SP110: variants seen among roughly 807,000 people sequenced by gnomAD.
The protein encoded by SP110 is interferon-induced protein 41, 30kD.
In SP110, 62 loss-of-function variants were observed where a neutral mutation model predicts 92.7. The observed-to-expected ratio is 0.67, with a 90% CI of 0.55 to 0.83. The LOEUF (loss-of-function observed/expected upper bound fraction) is 0.83. Among genes scored for constraint, SP110 ranks in the 40% least tolerant of loss-of-function variants. The pLI, the probability that SP110 is intolerant of heterozygous loss-of-function variation, is 0.00. For missense variants in SP110, 793 were observed against 863.9 expected, an observed-to-expected ratio of 0.92 and a Z score of 1.03; for synonymous variants, 273 against 305.3, an observed-to-expected ratio of 0.89 and a Z score of 1.10.
At chr2:230,170,347 A>G (rs1300778952) in intron 18 of SP110, among the ~76,000 whole-genome samples, 1 of 151,876 alleles carries the variant, frequency 6.6e-6, no homozygotes, top group Non-Finnish European at 1.5e-5. Context: ...GATGCCATTT[A>G]CTGCTCTCGT....
At position 230,186,031 on chromosome 2, in the gene SP110, C is replaced by T. The variant is rs200659174; in HGVS notation, c.1242G>A (p.Lys414=). The T allele has an allele frequency of 3.1e-6, 5 of 1,614,066 alleles. No individual in the cohort carries two copies. The highest frequency in any genetic ancestry group is 1.7e-5 in the Admixed American group (1 of 60,016). ...WNSEVMMRVQ[K]ARTKCARKSR... ...ACTTTCGGGCACATTTAGTTCTTGC[C>T]TTTTGGACCCTCATCATGACCTCTG... is the stretch of plus-strand genomic sequence containing the variant. The change falls in exon 11 of 19, where the codon AAG becomes AAA. Residue 414 remains lysine, a synonymous_variant. Coordinates refer to ENST00000258381, the MANE Select transcript of SP110 (RefSeq NM_080424.4).
rs776360735 is a variant in SP110 at position 230,172,054 on chromosome 2, C to T, written c.1815+12G>A. Reference sequence around the variant, plus strand: ...GGGAAAAGTATAGGTTTGGGGTTTGCATCCAACTCACCAGCTGGTCCTGAG... The same window carrying T: ...GGGAAAAGTATAGGTTTGGGGTTTGTATCCAACTCACCAGCTGGTCCTGAG... On this transcript the variant is annotated intron_variant, in intron 16 of 18. Transcript: ENST00000258381. 4 of 1,508,294 alleles carry T rather than the reference C, an allele frequency of 2.7e-6. No homozygotes were observed. The highest frequency in any genetic ancestry group is 3.7e-6 in the Non-Finnish European group (4 of 1,083,074). The allele number at this position is 1,508,294 out of a possible 1,614,324, so 93.4% of individuals were successfully genotyped here. A position where few individuals can be genotyped will look rare whatever the true frequency, so the allele number is the denominator to read the frequency against.
At chr2:230,180,602 G>T (rs1209450368) in intron 12 of SP110, among the ~76,000 whole-genome samples, 1 of 152,200 alleles carries the variant, frequency 6.6e-6, no homozygotes, top group East Asian at 1.9e-4. Flanking sequence ...AGAATTGCCG[G>T]TGGTCACCAT....
At chr2:230,216,718 A>C in intron 2 of SP110, 63 bp downstream of exon 2, 1 of 1,597,968 alleles carries the variant, frequency 6.3e-7, no homozygotes, top group South Asian at 1.1e-5. Flanking sequence ...GTGGTTTGAG[A>C]CTTTAATAAT....
Position 230,168,969 on chromosome 2 carries a change from T to A in SP110, c.*155A>T. On this transcript the variant is annotated 3_prime_UTR_variant, in exon 19 of 19. Coordinates refer to ENST00000258381, the MANE Select transcript of SP110 (RefSeq NM_080424.4). ...GACTTTTAAAGGTAAAAAGAAAGAA[T>A]AAAGATGGAGGGTGTGATAATCCTA... The A allele has an allele frequency of 1.5e-6, 1 of 669,504 alleles. No homozygotes were observed. Among genetic ancestry groups the A allele is most frequent in the Non-Finnish European group, 2.7e-6 (1 of 368,218 alleles). 41.5% of individuals were successfully genotyped at this position (669,504 alleles called of 1,614,324 possible).
At chr2:230,212,509 G>T in intron 4 of SP110, 79 bp from the exon 5 acceptor site, 1 of 1,192,454 alleles carries the variant, frequency 8.4e-7, no homozygotes, top group Non-Finnish European at 1.3e-6. Context: ...AGTGCCTGGG[G>T]CAGATAGAGC....
Position 230,216,941 on chromosome 2 carries a change from G to A in SP110, c.-1-13C>T, listed in dbSNP as rs1340296330. 6.2e-7 allele frequency: 1 copy of A among 1,611,852 alleles called. No individual in the cohort carries two copies. The highest frequency in any genetic ancestry group is 1.1e-5 in the South Asian group (1 of 90,894). On this transcript the variant is annotated splice_polypyrimidine_tract_variant and intron_variant, in intron 1 of 18. Coordinates refer to ENST00000258381, the MANE Select transcript of SP110 (RefSeq NM_080424.4). ...CATGGTGAACATCCTATGGAAAGAGGCATGATAAAAAATAGAAGCAAAGGC... is the reference window on the plus strand; with the variant it reads ...CATGGTGAACATCCTATGGAAAGAGACATGATAAAAAATAGAAGCAAAGGC...
At chr2:230,221,535 G>T (rs949227162), upstream of SP110, among the ~76,000 whole-genome samples, 1 of 152,192 alleles carries the variant, frequency 6.6e-6, no homozygotes, top group Admixed American at 6.5e-5. Flanking sequence ...GGTAATGGCT[G>T]TGGGTGAAAC....
upstream of SP110, among the ~76,000 whole-genome samples, chr2:230,224,430 GGAGGGAGAGGGAGGGAGAGA>G (rs1191965342): frequency 7.2e-5 from 10 of 138,420 alleles, no homozygotes; most frequent in African/African-American, 2.4e-4. Flanking sequence ...TTTTAAAGAG[GGAGGGAGAGGGAGGGAGAGA>G]GAGGGAGAGG....
At position 230,170,200 on chromosome 2, in the gene SP110, GT is replaced by G. The variant is rs1560519476; in HGVS notation, c.2028+420del. Among the ~76,000 whole-genome samples the G allele has an allele frequency of 3.3e-5, 5 of 152,292 alleles. No individual in the cohort carries two copies. The South Asian group carries it at 1.0e-3, about 32-fold the overall frequency. The stretch of plus-strand genomic sequence containing the variant: ...TTTGAGTCCAATGAGAAATTTATGT[GT>G]AAAAATATGCAAGCCTGATTATCCA... On this transcript the variant is annotated intron_variant, in intron 18 of 18. Coordinates refer to ENST00000258381, the MANE Select transcript of SP110 (RefSeq NM_080424.4).
intron 14 of SP110, chr2:230,176,580 T>G: frequency 6.2e-7 from 1 of 1,611,578 alleles, no homozygotes; most frequent in South Asian, 1.1e-5. Flanking sequence ...TGGAGGTGAC[T>G]CAGAGCTTGG....
At chr2:230,183,685 TA>T in intron 11 of SP110, 45 bp from the exon 12 acceptor site, 1 of 1,194,956 alleles carries the variant, frequency 8.4e-7, no homozygotes, top group Non-Finnish European at 1.3e-6. Flanking sequence ...AACATAGATT[TA>T]TAAGCCTCAT....
Position 230,215,077 on chromosome 2 carries a change from T to C in SP110, c.189A>G (p.Arg63=), listed in dbSNP as rs1335621440. Residue 63 remains arginine (R), a synonymous_variant, in exon 3 of 19, where the codon AGA becomes AGG. Coordinates refer to ENST00000258381, the MANE Select transcript of SP110 (RefSeq NM_080424.4). ...EACRNLIPVS[R]VVHNILTQLE... is the part of the protein sequence containing the mutation. Reference sequence around the variant, plus strand: ...GTTGGGTGAGAATGTTGTGCACCACTCTGGATACAGGGATCAAATTTCTAC... The same window carrying C: ...GTTGGGTGAGAATGTTGTGCACCACCCTGGATACAGGGATCAAATTTCTAC... The C allele has an allele frequency of 6.2e-7, 1 of 1,613,804 alleles. No homozygotes were observed. The highest frequency in any genetic ancestry group is 2.2e-5 in the East Asian group (1 of 44,892).
intron 10 of SP110, among the ~76,000 whole-genome samples, chr2:230,196,236 T>C (rs1319519132): frequency 6.6e-6 from 1 of 152,192 alleles, no homozygotes; most frequent in African/African-American, 2.4e-5. Context: ...ATTGGACAAG[T>C]GTGCAAAGAT....
chr2:230,195,975 C>T (rs2042854335), intron 10 of SP110, among the ~76,000 whole-genome samples: 1 of 151,954 alleles, frequency 6.6e-6, no homozygotes, highest in African/African-American at 2.4e-5. Context: ...ATGAAGATGA[C>T]AAATTTATTT....
chr2:230,184,341 C>T (rs1308670448), intron 11 of SP110, among the ~76,000 whole-genome samples: 1 of 152,078 alleles, frequency 6.6e-6, no homozygotes, highest in Non-Finnish European at 1.5e-5. Context: ...GGGCATAAAG[C>T]AGTGGTTAAC....
Position 230,208,077 on chromosome 2 carries a change from T to C in SP110, c.830-18A>G, listed in dbSNP as rs1574721789. The C allele has an allele frequency of 1.5e-6, 2 of 1,345,346 alleles. No individual in the cohort carries two copies. The highest frequency in any genetic ancestry group is 1.1e-6 in the Non-Finnish European group (1 of 940,014). The allele number at this position is 1,345,346 out of a possible 1,614,324, so 83.3% of individuals were successfully genotyped here. On this transcript the variant is annotated intron_variant, in intron 7 of 18. Coordinates refer to ENST00000258381, the MANE Select transcript of SP110 (RefSeq NM_080424.4). ...TTTCTTTCCTAAAAAGAAAGGATAA[T>C]GTTTTATAGTTACAAACATTGATCT...
At chr2:230,196,844 C>A (rs1189975901) in intron 10 of SP110, among the ~76,000 whole-genome samples, 1 of 152,158 alleles carries the variant, frequency 6.6e-6, no homozygotes, top group African/African-American at 2.4e-5. Flanking sequence ...TTTCCAGTTT[C>A]ATCCATGTCC....
upstream of SP110, among the ~76,000 whole-genome samples, chr2:230,222,049 A>G (rs2045862115): frequency 6.6e-6 from 1 of 152,160 alleles, no homozygotes; most frequent in South Asian, 2.1e-4. Flanking sequence ...CCAACATGGC[A>G]AAATCCCGTC....
Sources: allele counts gnomAD v4.1 joint callset (sites outside exome capture counted in the v4.1 genomes callset), GRCh38; gene constraint gnomAD v4.1.1; transcripts MANE v1.5; gene names NCBI Gene and HGNC (gene_info 2026-07-23, HGNC 2026-07-21).